Variants in FGFBP3 observed in about 807,000 individuals in gnomAD.
The protein encoded by FGFBP3 is fibroblast growth factor-binding protein 3.
In FGFBP3, 4 loss-of-function variants were observed where a neutral mutation model predicts 4.8. The observed-to-expected ratio is 0.83, with a 90% CI of 0.41 to 1.90. The LOEUF (loss-of-function observed/expected upper bound fraction) is 1.90, where lower values mean the gene tolerates loss of function less well. FGFBP3 is among the 40% of genes most tolerant of loss of function. The pLI, the probability that FGFBP3 is intolerant of heterozygous loss-of-function variation, is 0.03. For synonymous variants in FGFBP3, 215 were observed against 190.0 expected, an observed-to-expected ratio of 1.13 and a Z score of -1.08; for missense variants, 429 against 397.4, an observed-to-expected ratio of 1.08 and a Z score of -0.68.
In FGFBP3 at chr10:91,908,865, G is replaced by T. The variant is rs765660624; in HGVS notation, c.105C>A (p.Asn35Lys). The stretch of plus-strand genomic sequence containing the variant: ...TGGGCCCGGGGACCGGCTCCGCCAC[G>T]TTGCTAGCCGCCCCTTTCTCCCTCC... ...AARREKGAAS[N>K]VAEPVPGPTG... Residue 35 changes from asparagine (N) to lysine (K), a missense_variant, in exon 2 of 2, where the codon AAC becomes AAA. Asn to Lys is a moderately conservative substitution (Grantham distance 94). Transcript: ENST00000311575. The T allele has an allele frequency of 1.3e-6, 2 of 1,569,482 alleles. No homozygotes were observed. Among genetic ancestry groups the T allele is most frequent in the Non-Finnish European group, 1.7e-6 (2 of 1,164,316 alleles).
At chr10:91,909,082 C>T in intron 1 of FGFBP3, 35 bp from the exon 2 acceptor site, 2 of 1,215,938 alleles carry the variant, frequency 1.6e-6, no homozygotes, top group Non-Finnish European at 2.2e-6. Flanking sequence ...ACCAACTGAG[C>T]CACACGCAGC....
In FGFBP3 at chr10:91,907,255, G is replaced by A. The variant is rs988486686; in HGVS notation, c.*938C>T. 1 of 152,178 alleles carries A rather than the reference G, an allele frequency of 6.6e-6. No homozygotes were observed. The highest frequency in any genetic ancestry group is 1.5e-5 in the Non-Finnish European group (1 of 68,072). The allele number at this position is 152,178 out of a possible 1,614,324, so 9.4% of individuals were successfully genotyped here. A position where few individuals can be genotyped will look rare whatever the true frequency, so the allele number is the denominator to read the frequency against. Reference sequence around the variant, plus strand: ...GGCTACTCCGGAGGCTGAGGCAGAGGATCACTTGAGACTGGAATGTCGAGG... The same window carrying A: ...GGCTACTCCGGAGGCTGAGGCAGAGAATCACTTGAGACTGGAATGTCGAGG... On this transcript the variant is annotated 3_prime_UTR_variant, in exon 2 of 2. Transcript: ENST00000311575.
At position 91,908,693 on chromosome 10, in the gene FGFBP3, G is replaced by T; in HGVS notation, c.277C>A (p.Arg93Ser). ...GCTGCGCAGCGCTCCGGATGCCCGC[G>T]GTAGGCGCACTGGTGGCGCGCCCCG... The part of the protein sequence containing the change: ...PDGARHQCAY[R>S]GHPERCAAYA... Residue 93 changes from arginine (R) to serine (S), a missense_variant, in exon 2 of 2, where the codon CGC (arginine) becomes AGC (serine). Transcript: ENST00000311575. 2.8e-6 allele frequency: 4 copies of T among 1,415,064 alleles called. No homozygotes were observed. The highest frequency in any genetic ancestry group is 3.7e-6 in the Non-Finnish European group (4 of 1,088,558). The allele number at this position is 1,415,064 out of a possible 1,614,324, so 87.7% of individuals were successfully genotyped here.
chr10:91,908,253 G>A lies in FGFBP3; in HGVS notation c.717C>T (p.Thr239=), dbSNP rs773233397. 2 of 1,606,550 alleles carry A rather than the reference G, an allele frequency of 1.2e-6. No individual in the cohort carries two copies. Among genetic ancestry groups the A allele is most frequent in the Non-Finnish European group, 1.7e-6 (2 of 1,176,524 alleles). Residue 239 remains threonine, a synonymous_variant, in exon 2 of 2, where the codon ACC becomes ACT. Transcript: ENST00000311575. ...GGGAGTGCCACTTCTCAGCGCAGTAGGTCTCCGTGAGCTCCGCGTTCCCGT... is the reference window on the plus strand; with the variant it reads ...GGGAGTGCCACTTCTCAGCGCAGTAAGTCTCCGTGAGCTCCGCGTTCCCGT... ...GLDGNAELTE[T]YCAEKWHSLC...
At position 91,908,602 on chromosome 10, in the gene FGFBP3, G is replaced by A. The variant is rs747534914; in HGVS notation, c.368C>T (p.Pro123Leu). The A allele has an allele frequency of 4.3e-5, 62 of 1,427,204 alleles. No individual in the cohort carries two copies. The highest frequency in any genetic ancestry group is 7.5e-5 in the African/African-American group (5 of 66,846). The allele number at this position is 1,427,204 out of a possible 1,614,324, so 88.4% of individuals were successfully genotyped here. A position where few individuals can be genotyped will look rare whatever the true frequency, so the allele number is the denominator to read the frequency against. Residue 123 changes from proline to leucine, a missense_variant, in exon 2 of 2, where the codon CCC becomes CTC. By Grantham distance (98) the Pro-to-Leu change is moderately conservative. Transcript: ENST00000311575. Reference protein sequence around the residue: ...VLGGLRKKRRPCHDPAPLQAR... With the variant: ...VLGGLRKKRRLCHDPAPLQAR... ...CTGGAGCGGCGCGGGGTCGTGACAG[G>A]GCCTCCGCTTCTTGCGCAGCCCTCC... is the stretch of plus-strand genomic sequence containing the variant.
At position 91,908,515 on chromosome 10, in the gene FGFBP3, G is replaced by A. The variant is rs1169608168; in HGVS notation, c.455C>T (p.Ser152Phe). The A allele has an allele frequency of 7.3e-7, 1 of 1,376,990 alleles. No homozygotes were observed. The highest frequency in any genetic ancestry group is 9.3e-7 in the Non-Finnish European group (1 of 1,072,784). The allele number at this position is 1,376,990 out of a possible 1,614,324, so 85.3% of individuals were successfully genotyped here. ...GAELRLVPRA[S>F]PPARPTVAGF... ...CGCGACGGTGGGGCGTGCGGGCGGG[G>A]ACGCGCGGGGCACTAGCCGCAGCTC... is the stretch of plus-strand genomic sequence containing the variant. Residue 152 changes from serine (S) to phenylalanine (F), a missense_variant, in exon 2 of 2, where the codon TCC becomes TTC. By Grantham distance (155) the Ser-to-Phe change is radical. Coordinates refer to ENST00000311575, the MANE Select transcript of FGFBP3 (RefSeq NM_152429.5).
chr10:91,908,713 G>C lies in FGFBP3; in HGVS notation c.257C>G (p.Ala86Gly). The C allele has an allele frequency of 2.2e-6, 3 of 1,382,166 alleles. No homozygotes were observed. The highest frequency in any genetic ancestry group is 2.8e-6 in the Non-Finnish European group (3 of 1,075,884). 85.6% of individuals were successfully genotyped at this position (1,382,166 alleles called of 1,614,324 possible). The change falls in exon 2 of 2, where the codon GCG (alanine) becomes GGG (glycine). Residue 86 changes from alanine (A) to glycine (G), a missense_variant. Coordinates refer to ENST00000311575, the MANE Select transcript of FGFBP3 (RefSeq NM_152429.5). ...LALRCQSPDGARHQCAYRGHP... is the reference protein window; with the variant it reads ...LALRCQSPDGGRHQCAYRGHP... ...CCCGCGGTAGGCGCACTGGTGGCGCGCCCCGTCCGGGCTCTGGCAGCGCAG... is the reference window on the plus strand; with the variant it reads ...CCCGCGGTAGGCGCACTGGTGGCGCCCCCCGTCCGGGCTCTGGCAGCGCAG...
rs752498235 is a variant in FGFBP3 at position 91,908,356 on chromosome 10, T to G, written c.614A>C (p.Asn205Thr). The G allele has an allele frequency of 3.1e-6, 5 of 1,592,788 alleles. No homozygotes were observed. Among genetic ancestry groups the G allele is most frequent in the Non-Finnish European group, 4.3e-6 (5 of 1,170,658 alleles). ...CAAGGCCGCCTTCCTCTTGCCCTCG[T>G]TGGTCTTCCTCTCTGAGGGGTTTTC... ...PKENPSERKT[N>T]EGKRKAALVP... is the part of the protein sequence containing the mutation. Residue 205 changes from asparagine to threonine, a missense_variant, in exon 2 of 2, where the codon AAC becomes ACC. Transcript: ENST00000311575.
chr10:91,909,297 C>T (rs1843328912), intron 1 of FGFBP3, 101 bp downstream of exon 1: 2 of 358,834 alleles, frequency 5.6e-6, no homozygotes, highest in African/African-American at 2.2e-5. Context: ...CCCTCTACCC[C>T]TTCCTTCATT....
chr10:91,908,208 A>G lies in FGFBP3; in HGVS notation c.762T>C (p.Asn254=). ...KWHSLCNFFV[N]FWNG ...GCAGGCAGTCTCAGCCGTTCCAGAAATTGACAAAGAAGTTGCAGAGGGAGT... is the reference window on the plus strand; with the variant it reads ...GCAGGCAGTCTCAGCCGTTCCAGAAGTTGACAAAGAAGTTGCAGAGGGAGT... Residue 254 remains asparagine, a synonymous_variant, in exon 2 of 2, where the codon AAT becomes AAC. Coordinates refer to ENST00000311575, the MANE Select transcript of FGFBP3 (RefSeq NM_152429.5). 1 of 1,599,162 alleles carries G rather than the reference A, an allele frequency of 6.3e-7. No individual in the cohort carries two copies. The highest frequency in any genetic ancestry group is 8.5e-7 in the Non-Finnish European group (1 of 1,173,288).
In FGFBP3 at chr10:91,908,466, G is replaced by A. The variant is rs772191465; in HGVS notation, c.504C>T (p.Pro168=). 236 of 1,431,906 alleles carry A rather than the reference G, an allele frequency of 1.6e-4. No homozygotes were observed. Among genetic ancestry groups the A allele is most frequent in the Non-Finnish European group, 2.0e-4 (222 of 1,098,202 alleles). The allele number at this position is 1,431,906 out of a possible 1,614,324, so 88.7% of individuals were successfully genotyped here. A position where few individuals can be genotyped will look rare whatever the true frequency, so the allele number is the denominator to read the frequency against. ...TVAGFAGESK[P]RARNRGRTRE... is the part of the protein sequence containing the mutation. ...GGGTCCGCCCCCGGTTCCGGGCCCGGGGCTTGGACTCCCCCGCGAATCCCG... is the reference window on the plus strand; with the variant it reads ...GGGTCCGCCCCCGGTTCCGGGCCCGAGGCTTGGACTCCCCCGCGAATCCCG... The change falls in exon 2 of 2, where the codon CCC becomes CCT. Residue 168 remains proline (P), a synonymous_variant. Coordinates refer to ENST00000311575, the MANE Select transcript of FGFBP3 (RefSeq NM_152429.5).
rs1035884984 is a variant in FGFBP3 at position 91,906,775 on chromosome 10, C to T, written c.*1418G>A. The T allele has an allele frequency of 1.3e-5, 2 of 152,204 alleles. No homozygotes were observed. The highest frequency in any genetic ancestry group is 6.5e-5 in the Admixed American group (1 of 15,284). The allele number at this position is 152,204 out of a possible 1,614,324, so 9.4% of individuals were successfully genotyped here. On this transcript the variant is annotated 3_prime_UTR_variant, in exon 2 of 2. Transcript: ENST00000311575. The stretch of plus-strand genomic sequence containing the variant: ...AGGCCAGGTGGCTGCCAGTTTGTGA[C>T]TCTTGCTTTATGTCAACTTCTTAGT...
Position 91,907,001 on chromosome 10 carries a change from C to G in FGFBP3, c.*1192G>C, listed in dbSNP as rs1843303832. The G allele has an allele frequency of 6.6e-6, 1 of 151,932 alleles. No homozygotes were observed. Among genetic ancestry groups the G allele is most frequent in the Admixed American group, 6.6e-5 (1 of 15,258 alleles). The allele number at this position is 151,932 out of a possible 1,614,324, so 9.4% of individuals were successfully genotyped here. On this transcript the variant is annotated 3_prime_UTR_variant, in exon 2 of 2. Coordinates refer to ENST00000311575, the MANE Select transcript of FGFBP3 (RefSeq NM_152429.5). ...AATGAAATATATTAATAATTAGTTACATGAAACAGAGAGATACAACTTCCA... is the reference window on the plus strand; with the variant it reads ...AATGAAATATATTAATAATTAGTTAGATGAAACAGAGAGATACAACTTCCA...
Position 91,908,846 on chromosome 10 carries a change from C to G in FGFBP3, c.124G>C (p.Gly42Arg), listed in dbSNP as rs758981844. 83 of 1,545,286 alleles carry G rather than the reference C, an allele frequency of 5.4e-5. No homozygotes were observed. The East Asian group carries it at 1.7e-3, about 32-fold the overall frequency. Reference protein sequence around the residue: ...AASNVAEPVPGPTGGSSGRFL... With the variant: ...AASNVAEPVPRPTGGSSGRFL... ...CGACCCGAGGAGCCGCCAGTGGGCC[C>G]GGGGACCGGCTCCGCCACGTTGCTA... Residue 42 changes from glycine (G) to arginine (R), a missense_variant, in exon 2 of 2, where the codon GGG becomes CGG. Physicochemically the swap from Gly to Arg is moderately radical, Grantham distance 125. Transcript: ENST00000311575.
In FGFBP3 at chr10:91,908,463, C is replaced by A; in HGVS notation, c.507G>T (p.Arg169=). 4 of 1,445,234 alleles carry A rather than the reference C, an allele frequency of 2.8e-6. No homozygotes were observed. Among genetic ancestry groups the A allele is most frequent in the East Asian group, 2.8e-5 (1 of 35,740 alleles). The allele number at this position is 1,445,234 out of a possible 1,614,324, so 89.5% of individuals were successfully genotyped here. A position where few individuals can be genotyped will look rare whatever the true frequency, so the allele number is the denominator to read the frequency against. Residue 169 remains arginine (R), a synonymous_variant, in exon 2 of 2, where the codon CGG becomes CGT. Transcript: ENST00000311575. ...VAGFAGESKP[R]ARNRGRTRER... Reference sequence around the variant, plus strand: ...CCCGGGTCCGCCCCCGGTTCCGGGCCCGGGGCTTGGACTCCCCCGCGAATC... The same window carrying A: ...CCCGGGTCCGCCCCCGGTTCCGGGCACGGGGCTTGGACTCCCCCGCGAATC...
chr10:91,908,725 C>G lies in FGFBP3; in HGVS notation c.245G>C (p.Ser82Thr). The change falls in exon 2 of 2, where the codon AGC (serine) becomes ACC (threonine). Residue 82 changes from serine (S) to threonine (T), a missense_variant. By Grantham distance (58) the Ser-to-Thr change is moderately conservative. Transcript: ENST00000311575. The part of the protein sequence containing the change: ...AGSELALRCQ[S>T]PDGARHQCAY... ...GCACTGGTGGCGCGCCCCGTCCGGGCTCTGGCAGCGCAGCGCCAGCTCGCT... is the reference window on the plus strand; with the variant it reads ...GCACTGGTGGCGCGCCCCGTCCGGGGTCTGGCAGCGCAGCGCCAGCTCGCT... 7.3e-7 allele frequency: 1 copy of G among 1,378,956 alleles called. No homozygotes were observed. 85.4% of individuals were successfully genotyped at this position (1,378,956 alleles called of 1,614,324 possible).
chr10:91,908,187 G>A lies in FGFBP3; in HGVS notation c.*6C>T. On this transcript the variant is annotated 3_prime_UTR_variant, in exon 2 of 2. Transcript: ENST00000311575. ...CCATCAACCCTCCCTAAGCCGGCAG[G>A]CAGTCTCAGCCGTTCCAGAAATTGA... 6.3e-7 allele frequency: 1 copy of A among 1,591,998 alleles called. No homozygotes were observed. Among genetic ancestry groups the A allele is most frequent in the East Asian group, 2.4e-5 (1 of 42,208 alleles).
At position 91,908,730 on chromosome 10, in the gene FGFBP3, G is replaced by A; in HGVS notation, c.240C>T (p.Cys80=). 7.3e-7 allele frequency: 1 copy of A among 1,376,118 alleles called. No individual in the cohort carries two copies. The highest frequency in any genetic ancestry group is 9.3e-7 in the Non-Finnish European group (1 of 1,075,134). The allele number at this position is 1,376,118 out of a possible 1,614,324, so 85.2% of individuals were successfully genotyped here. ...AAAGSELALR[C]QSPDGARHQC... is the part of the protein sequence containing the mutation. ...GGTGGCGCGCCCCGTCCGGGCTCTGGCAGCGCAGCGCCAGCTCGCTGCCCG... is the reference window on the plus strand; with the variant it reads ...GGTGGCGCGCCCCGTCCGGGCTCTGACAGCGCAGCGCCAGCTCGCTGCCCG... Residue 80 remains cysteine (C), a synonymous_variant, in exon 2 of 2, where the codon TGC becomes TGT. Coordinates refer to ENST00000311575, the MANE Select transcript of FGFBP3 (RefSeq NM_152429.5).
rs1843311478 is a variant in FGFBP3 at position 91,907,913 on chromosome 10, T to C, written c.*280A>G. 1 of 389,296 alleles carries C rather than the reference T, an allele frequency of 2.6e-6. No homozygotes were observed. The highest frequency in any genetic ancestry group is 5.0e-5 in the Admixed American group (1 of 20,140). 24.1% of individuals were successfully genotyped at this position (389,296 alleles called of 1,614,324 possible). A position where few individuals can be genotyped will look rare whatever the true frequency, so the allele number is the denominator to read the frequency against. ...GATTTCTCTCCCCAGTCTCCAGTTT[T>C]TGCACATTTAAAGTACGCCTATTTC... On this transcript the variant is annotated 3_prime_UTR_variant, in exon 2 of 2. Transcript: ENST00000311575.
Sources: gnomAD v4.1 joint callset for allele counts on GRCh38, gnomAD v4.1.1 for gene constraint, MANE v1.5 for transcripts, NCBI Gene and HGNC (gene_info 2026-07-23, HGNC 2026-07-21) for gene names.